Variants in RORA observed in about 807,000 individuals in gnomAD.
RORA encodes the protein nuclear receptor ROR-alpha.
A neutral mutation model predicts 69.5 loss-of-function variants in RORA; 7 were observed. The observed-to-expected ratio is 0.10, with a 90% CI of 0.06 to 0.19. The LOEUF (loss-of-function observed/expected upper bound fraction) is 0.19. Ranked by LOEUF, RORA falls within the 10% of genes least tolerant of loss-of-function variation. RORA has a pLI of 1.00. For synonymous variants in RORA, 261 were observed against 240.8 expected (o/e 1.08, Z -0.78); for missense variants, 457 against 663.0 (o/e 0.69, Z 3.41).
At chr15:60,788,244 A>C (rs542528546) in intron 1 of RORA, among the ~76,000 whole-genome samples, 3 of 152,148 alleles carry the variant, frequency 2.0e-5, no homozygotes, top group Non-Finnish European at 4.4e-5. Context: ...ATGTTGTTGC[A>C]CCAGGGTCCC....
intron 2 of RORA, among the ~76,000 whole-genome samples, chr15:60,596,625 A>C (rs1469000946): frequency 6.6e-6 from 1 of 152,194 alleles, no homozygotes; most frequent in Non-Finnish European, 1.5e-5. Context: ...CCAGTTTCTC[A>C]TAAAGGAACA....
At chr15:60,944,793 C>A (rs1274041140) in intron 1 of RORA, among the ~76,000 whole-genome samples, 1 of 151,712 alleles carries the variant, frequency 6.6e-6, no homozygotes, top group Non-Finnish European at 1.5e-5. Flanking sequence ...ATCGTCCCTG[C>A]AGAAGGATAG....
intron 2 of RORA, among the ~76,000 whole-genome samples, chr15:60,588,503 G>A (rs919677626): frequency 4.0e-5 from 6 of 151,600 alleles, no homozygotes; most frequent in East Asian, 1.9e-4. Flanking sequence ...TCCAGTAAGT[G>A]GCCATTTATA....
chr15:60,918,417 T>C (rs868813236), intron 1 of RORA, among the ~76,000 whole-genome samples: 3 of 152,230 alleles, frequency 2.0e-5, no homozygotes, highest in Non-Finnish European at 4.4e-5. Flanking sequence ...ATGTTTATTA[T>C]CACAGAGCAG....
At chr15:60,609,464 T>C (rs2069032544) in intron 2 of RORA, among the ~76,000 whole-genome samples, 1 of 152,144 alleles carries the variant, frequency 6.6e-6, no homozygotes, top group Non-Finnish European at 1.5e-5. Context: ...AATAAAACCC[T>C]CAACATCTCA....
At chr15:60,862,739 A>G (rs1344579803) in intron 1 of RORA, among the ~76,000 whole-genome samples, 1 of 152,224 alleles carries the variant, frequency 6.6e-6, no homozygotes, top group Non-Finnish European at 1.5e-5. Context: ...ACAGCTATTT[A>G]AAGGGGGAGT....
At chr15:60,569,993 A>C (rs1484079059) in intron 2 of RORA, among the ~76,000 whole-genome samples, 3 of 152,210 alleles carry the variant, frequency 2.0e-5, no homozygotes, top group Admixed American at 6.5e-5. Flanking sequence ...CTGACATTTA[A>C]AGATCAGATT....
intron 1 of RORA, among the ~76,000 whole-genome samples, chr15:61,110,102 G>C (rs998265009): frequency 6.6e-6 from 1 of 152,156 alleles, no homozygotes; most frequent in African/African-American, 2.4e-5. Flanking sequence ...AGTTGTATAA[G>C]AGTACACACA....
intron 1 of RORA, among the ~76,000 whole-genome samples, chr15:60,728,447 T>C (rs931917018): frequency 5.9e-5 from 9 of 152,290 alleles, no homozygotes; most frequent in Admixed American, 2.0e-4. Flanking sequence ...TTCAGTTGAA[T>C]AGCAAGTTAC....
At chr15:60,917,594 T>C (rs538083892) in intron 1 of RORA, among the ~76,000 whole-genome samples, 9 of 152,304 alleles carry the variant, frequency 5.9e-5, no homozygotes, top group East Asian at 1.9e-4. Flanking sequence ...TGGGAGAAAG[T>C]AGGGAAACGT....
Position 60,988,043 on chromosome 15 carries a change from T to A in RORA, c.166+241010A>T, listed in dbSNP as rs79283754. Reference sequence around the variant, plus strand: ...CTGTCCCCTGGCTGCCAAGATGTTCTTACTCACACTGCTCTGCCTTCACTC... The same window carrying A: ...CTGTCCCCTGGCTGCCAAGATGTTCATACTCACACTGCTCTGCCTTCACTC... On this transcript the variant is annotated intron_variant, in intron 1 of 10. Transcript: ENST00000335670. Among the ~76,000 whole-genome samples, 1,154 of 152,350 alleles carry A rather than the reference T, an allele frequency of 7.6e-3. 19 individuals carry two copies. The highest frequency in any genetic ancestry group is 0.026 in the African/African-American group (1,080 of 41,574).
chr15:61,000,813 G>A (rs1474823189), intron 1 of RORA, among the ~76,000 whole-genome samples: 1 of 152,146 alleles, frequency 6.6e-6, no homozygotes. Flanking sequence ...AGCGGGAAGT[G>A]ATCAGCCAGG....
chr15:60,641,585 A>AT (rs2069945211), intron 2 of RORA, among the ~76,000 whole-genome samples: 1 of 151,180 alleles, frequency 6.6e-6, no homozygotes, highest in Non-Finnish European at 1.5e-5. Context: ...AATTTTTTGT[A>AT]TTTTTAGTAG....
At chr15:60,909,314 C>G (rs535943843) in intron 1 of RORA, among the ~76,000 whole-genome samples, 1 of 152,274 alleles carries the variant, frequency 6.6e-6, no homozygotes, top group East Asian at 1.9e-4. Context: ...TCTGAGGAGT[C>G]AGGAAATTTG....
At chr15:60,696,082 T>C (rs2070900065) in intron 1 of RORA, among the ~76,000 whole-genome samples, 1 of 152,254 alleles carries the variant, frequency 6.6e-6, no homozygotes, top group Admixed American at 6.5e-5. Context: ...TCATTTTATA[T>C]AGTTTTCACA....
chr15:60,754,945 G>A (rs16943064), intron 1 of RORA, among the ~76,000 whole-genome samples: 31,222 of 151,028 alleles, frequency 0.21, 3,775 homozygotes, highest in African/African-American at 0.34. Context: ...TATTATCCCC[G>A]TAAACTCAGT....
At chr15:60,780,477 C>T (rs1422319462) in intron 1 of RORA, among the ~76,000 whole-genome samples, 7 of 152,140 alleles carry the variant, frequency 4.6e-5, no homozygotes, top group African/African-American at 1.4e-4. Flanking sequence ...AGCTTCTCCT[C>T]GCCTAATAGC....
chr15:60,866,842 A>ATCTATCTATCTG (rs2073494273), intron 1 of RORA, among the ~76,000 whole-genome samples: 1 of 151,084 alleles, frequency 6.6e-6, no homozygotes, highest in Admixed American at 6.6e-5. Flanking sequence ...CTATCTATCT[A>ATCTATCTATCTG]TCTATCTATC....
At chr15:60,850,064 C>CA (rs2073307608) in intron 1 of RORA, among the ~76,000 whole-genome samples, 1 of 152,176 alleles carries the variant, frequency 6.6e-6, no homozygotes, top group Non-Finnish European at 1.5e-5. Context: ...TTTTAACAAG[C>CA]ATGGCGGTAT....
Sources: gnomAD v4.1 joint callset for allele counts (sites outside exome capture counted in the v4.1 genomes callset) on GRCh38, gnomAD v4.1.1 for gene constraint, MANE v1.5 for transcripts, NCBI Gene and HGNC (gene_info 2026-07-23, HGNC 2026-07-21) for gene names.